NSD1: variants seen among roughly 807,000 people sequenced by gnomAD.
NSD1 encodes the protein histone-lysine N-methyltransferase, H3 lysine-36 specific.
NSD1 carries 26 observed loss-of-function variants against 242.7 expected under a neutral mutation model. The observed-to-expected ratio is 0.11, with a 90% CI of 0.08 to 0.15. The LOEUF is 0.15. NSD1 is among the 10% of genes least tolerant of loss of function. NSD1 has a pLI of 1.00. For missense variants in NSD1, 2,495 were observed against 3,272.8 expected (o/e 0.76, Z 5.80); for synonymous variants, 1,106 against 1,178.1 (o/e 0.94, Z 1.25).
intron 2 of NSD1, among the ~76,000 whole-genome samples, chr5:177,153,131 A>G (rs1411432360): frequency 1.3e-5 from 2 of 152,032 alleles, no homozygotes; most frequent in Non-Finnish European, 2.9e-5. Flanking sequence ...AGGAGAAGAT[A>G]ATTGTTAGAG....
intron 3 of NSD1, among the ~76,000 whole-genome samples, chr5:177,202,170 GAAAA>G (rs199735386): frequency 2.8e-5 from 4 of 140,884 alleles, no homozygotes; most frequent in Non-Finnish European, 6.3e-5. Flanking sequence ...CTCCGTCTCA[GAAAA>G]AAAAAAAAAA....
intron 15 of NSD1, among the ~76,000 whole-genome samples, chr5:177,268,569 G>A (rs1456830227): frequency 1.3e-5 from 2 of 152,118 alleles, no homozygotes; most frequent in African/African-American, 2.4e-5. Flanking sequence ...TGGCACCTGT[G>A]TATGTACCTC....
chr5:177,227,145 A>T (rs1191451423), intron 5 of NSD1, among the ~76,000 whole-genome samples: 1 of 152,212 alleles, frequency 6.6e-6, no homozygotes, highest in African/African-American at 2.4e-5. Context: ...ATACAGATAA[A>T]AATAGATTGG....
chr5:177,209,530 A>C, intron 4 of NSD1, 106 bp from the exon 5 acceptor site: 3 of 416,624 alleles, frequency 7.2e-6, no homozygotes, highest in African/African-American at 2.3e-5. Context: ...CTCTGTCTCA[A>C]AAAAAAAAAA....
intron 20 of NSD1, among the ~76,000 whole-genome samples, chr5:177,285,697 C>T (rs1581540212): frequency 6.6e-6 from 1 of 151,742 alleles, no homozygotes; most frequent in Middle Eastern, 3.4e-3. Context: ...TATACTCAAA[C>T]TGGGATAGAA....
chr5:177,160,903 G>C lies in NSD1; in HGVS notation c.927+24873G>C, dbSNP rs556670715. On this transcript the variant is annotated intron_variant, in intron 2 of 22. Coordinates refer to ENST00000439151, the MANE Select transcript of NSD1 (RefSeq NM_022455.5). ...CATGCCTCAGCCTCCCAAGTAGCTG[G>C]GACTACAGCCATGAGCCACCACGCC... is the stretch of plus-strand genomic sequence containing the variant. Among the ~76,000 whole-genome samples, 3 of 151,890 alleles carry C rather than the reference G, an allele frequency of 2.0e-5. No individual in the cohort carries two copies. The East Asian group carries it at 5.8e-4, about 30-fold the overall frequency.
At position 177,248,366 on chromosome 5, in the gene NSD1, A is replaced by G. The variant is rs1766464968; in HGVS notation, c.4641+42A>G. 5 of 1,599,840 alleles carry G rather than the reference A, an allele frequency of 3.1e-6. No individual in the cohort carries two copies. The East Asian group carries it at 1.1e-4, about 36-fold the overall frequency. Reference sequence around the variant, plus strand: ...CCACTTGTGTTTTCATTGCATGTTCATCTTTAAAGGGAAACCCACTCCATC... The same window carrying G: ...CCACTTGTGTTTTCATTGCATGTTCGTCTTTAAAGGGAAACCCACTCCATC... On this transcript the variant is annotated intron_variant, in intron 11 of 22. Coordinates refer to ENST00000439151, the MANE Select transcript of NSD1 (RefSeq NM_022455.5).
intron 2 of NSD1, among the ~76,000 whole-genome samples, chr5:177,142,595 A>T (rs1756916536): frequency 2.0e-5 from 3 of 152,232 alleles, no homozygotes; most frequent in African/African-American, 7.2e-5. Flanking sequence ...TTGTCAGGAG[A>T]TAAAGGTATA....
In NSD1 at chr5:177,267,578, C is replaced by T. The variant is rs2149931024; in HGVS notation, c.5163C>T (p.Cys1721=). Residue 1721 remains cysteine, a synonymous_variant, in exon 15 of 23, where the codon TGC becomes TGT. Transcript: ENST00000439151. ...TTCCCACAGGAGGCAGCCTTCTGTGCTGTGATTCTTGCCCTGCTGCTTTTC... is the reference window on the plus strand; with the variant it reads ...TTCCCACAGGAGGCAGCCTTCTGTGTTGTGATTCTTGCCCTGCTGCTTTTC... ...FVCSEGGSLL[C]CDSCPAAFHR... The T allele has an allele frequency of 1.2e-6, 2 of 1,614,070 alleles. No individual in the cohort carries two copies. Among genetic ancestry groups the T allele is most frequent in the Non-Finnish European group, 1.7e-6 (2 of 1,179,984 alleles).
At chr5:177,153,438 A>C (rs1268838363) in intron 2 of NSD1, among the ~76,000 whole-genome samples, 1 of 151,994 alleles carries the variant, frequency 6.6e-6, no homozygotes, top group East Asian at 1.9e-4. Context: ...TGCTTTAATT[A>C]CTACAGTTTT....
chr5:177,192,776 C>T (rs962458002), intron 3 of NSD1, among the ~76,000 whole-genome samples: 1 of 152,134 alleles, frequency 6.6e-6, no homozygotes, highest in African/African-American at 2.4e-5. Flanking sequence ...GGTGATCCGC[C>T]CGCCTTAGAC....
rs1756156403 is a variant in NSD1 at position 177,134,666 on chromosome 5, G to T, written c.-17-421G>T. Among the ~76,000 whole-genome samples, 2 of 152,204 alleles carry T rather than the reference G, an allele frequency of 1.3e-5. No individual in the cohort carries two copies. The highest frequency in any genetic ancestry group is 4.1e-4 in the South Asian group (2 of 4,832). On this transcript the variant is annotated intron_variant, in intron 1 of 22. Coordinates refer to ENST00000439151, the MANE Select transcript of NSD1 (RefSeq NM_022455.5). The surrounding 1 kb of genome is among the most constrained non-coding windows in gnomAD (Gnocchi z 4.2). ...GCGCCCTAGCGAGCCAGGAAGGGGG[G>T]GGTACCTTTTTGTGCAGGGTCCAGG...
At chr5:177,146,446 C>T (rs150807794) in intron 2 of NSD1, among the ~76,000 whole-genome samples, 3,872 of 151,890 alleles carry the variant, frequency 0.025, 50 homozygotes, top group African/African-American at 0.029. Flanking sequence ...CCTTGTGATC[C>T]GCCCGCCTCA....
intron 12 of NSD1, among the ~76,000 whole-genome samples, chr5:177,253,081 A>G (rs934347650): frequency 9.9e-5 from 15 of 152,174 alleles, no homozygotes; most frequent in African/African-American, 3.6e-4. Context: ...CAGCAAAGAT[A>G]CTAAGGAGGT....
intron 2 of NSD1, among the ~76,000 whole-genome samples, chr5:177,153,157 T>C (rs1353791132): frequency 6.6e-6 from 1 of 151,984 alleles, no homozygotes; most frequent in African/African-American, 2.4e-5. Flanking sequence ...AGTGAAGTCT[T>C]GATAGATACC....
At chr5:177,273,847 T>A in intron 17 of NSD1, 63 bp downstream of exon 17, 1 of 1,070,446 alleles carries the variant, frequency 9.3e-7, no homozygotes, top group Non-Finnish European at 1.4e-6. Flanking sequence ...CTCTTCCCAC[T>A]CTGTTCATGA....
intron 5 of NSD1, 146 bp downstream of exon 5, chr5:177,212,341 T>C (rs1763412448): frequency 1.2e-6 from 1 of 809,674 alleles, no homozygotes; most frequent in Non-Finnish European, 2.0e-6. Context: ...AGGAGTTTTA[T>C]GTAGAAAGGT....
chr5:177,234,588 C>T (rs911179191), intron 5 of NSD1, among the ~76,000 whole-genome samples: 2 of 151,990 alleles, frequency 1.3e-5, no homozygotes, highest in South Asian at 2.1e-4. Context: ...TGGTGGCAGG[C>T]GCCTGTAATC....
At chr5:177,288,732 T>C in intron 20 of NSD1, 87 bp from the exon 21 acceptor site, 1 of 931,056 alleles carries the variant, frequency 1.1e-6, no homozygotes, top group Non-Finnish European at 1.8e-6. Flanking sequence ...TAATCTGTTC[T>C]CTTGGGAGTT....
Sources: gnomAD v4.1 joint callset for allele counts (sites outside exome capture counted in the v4.1 genomes callset) on GRCh38, gnomAD v4.1.1 for gene constraint, Gnocchi (gnomAD v3.1) non-coding constraint, MANE v1.5 for transcripts, NCBI Gene and HGNC (gene_info 2026-07-23, HGNC 2026-07-21) for gene names.